PRKCH: variants seen among roughly 807,000 people sequenced by gnomAD.
PRKCH encodes protein kinase C eta type.
In PRKCH, 28 loss-of-function variants were observed where a neutral mutation model predicts 82.5. The observed-to-expected ratio is 0.34, with a 90% CI of 0.25 to 0.47. PRKCH has a LOEUF of 0.47. Ranked by LOEUF, PRKCH falls within the 20% of genes least tolerant of loss-of-function variation. The pLI is 1.00. For missense variants in PRKCH, 705 were observed against 881.8 expected, an observed-to-expected ratio of 0.80 and a Z score of 2.54; for synonymous variants, 322 against 327.4, an observed-to-expected ratio of 0.98 and a Z score of 0.18.
chr14:61,522,558 T>C (rs1302172275), intron 10 of PRKCH, among the ~76,000 whole-genome samples: 2 of 152,204 alleles, frequency 1.3e-5, no homozygotes, highest in Admixed American at 6.5e-5. Flanking sequence ...TTCCCTTCTT[T>C]CTGTCTCTTC....
At chr14:61,475,150 T>A (rs1012039770) in intron 9 of PRKCH, among the ~76,000 whole-genome samples, 2 of 152,194 alleles carry the variant, frequency 1.3e-5, no homozygotes, top group Admixed American at 6.5e-5. Flanking sequence ...ATAAATGAAA[T>A]GGTATTTTTA....
At chr14:61,542,205 G>A (rs892719837) in intron 12 of PRKCH, among the ~76,000 whole-genome samples, 2 of 151,826 alleles carry the variant, frequency 1.3e-5, no homozygotes, top group Non-Finnish European at 2.9e-5. Context: ...AAGGAGAATT[G>A]CTTGAACCTG....
At chr14:61,387,665 A>T (rs1372758961) in intron 1 of PRKCH, among the ~76,000 whole-genome samples, 1 of 152,224 alleles carries the variant, frequency 6.6e-6, no homozygotes, top group Non-Finnish European at 1.5e-5. Context: ...GAAGGAACAA[A>T]TAACCTCCAA....
intron 1 of PRKCH, chr14:61,303,053 TC>T (rs1833902143): frequency 6.7e-6 from 1 of 149,362 alleles, no homozygotes; most frequent in Non-Finnish European, 1.5e-5. Context: ...CACTCTGTCA[TC>T]CAGGCTGGAG....
At chr14:61,354,504 A>G (rs1445812125) in intron 1 of PRKCH, among the ~76,000 whole-genome samples, 1 of 149,746 alleles carries the variant, frequency 6.7e-6, no homozygotes, top group East Asian at 2.0e-4. Flanking sequence ...CCCTATATTT[A>G]GGGGTTGTTT....
chr14:61,509,802 CTACT>C lies in PRKCH; in HGVS notation c.1434-19271_1434-19268del, dbSNP rs879882632. ...TGGTGGTGGGTTCCTCTAATCCCAG[CTACT>C]TGGGAGGCTGAGGCAGGAGGATCAC... On this transcript the variant is annotated intron_variant, in intron 10 of 13. Coordinates refer to ENST00000332981, the MANE Select transcript of PRKCH (RefSeq NM_006255.5). Among the ~76,000 whole-genome samples, 347 of 152,186 alleles carry C rather than the reference CTACT, an allele frequency of 2.3e-3. 4 individuals carry two copies. The highest frequency in any genetic ancestry group is 0.02 in the Admixed American group (307 of 15,286).
chr14:61,494,193 G>A (rs929282063), intron 10 of PRKCH, among the ~76,000 whole-genome samples: 5 of 152,218 alleles, frequency 3.3e-5, no homozygotes, highest in Admixed American at 2.0e-4. Flanking sequence ...TTGAGACCAC[G>A]AGACTGAATG....
chr14:61,528,914 G>C, intron 10 of PRKCH, 161 bp from the exon 11 acceptor site: 2 of 612,548 alleles, frequency 3.3e-6, no homozygotes, highest in Non-Finnish European at 2.6e-6. Flanking sequence ...AGATAGCACA[G>C]AGAAGTTTGT....
intron 1 of PRKCH, chr14:61,278,783 TG>T (rs1274858638): frequency 6.6e-6 from 1 of 152,208 alleles, no homozygotes; most frequent in Non-Finnish European, 1.5e-5. Context: ...ATCAATGGAA[TG>T]ATTTTAGTTG....
At chr14:61,402,369 GA>G (rs1299258031) in intron 2 of PRKCH, among the ~76,000 whole-genome samples, 2 of 148,622 alleles carry the variant, frequency 1.3e-5, no homozygotes, top group African/African-American at 2.6e-5. Flanking sequence ...TGGTATTAAA[GA>G]AGAATATCTG....
chr14:61,237,218 G>A (rs531169046), intron 1 of PRKCH, among the ~76,000 whole-genome samples: 1 of 150,124 alleles, frequency 6.7e-6, no homozygotes, highest in African/African-American at 2.5e-5. Flanking sequence ...ACTCCACCCT[G>A]GGTGACAGAG....
chr14:61,439,299 C>T (rs931233422), intron 2 of PRKCH, among the ~76,000 whole-genome samples: 1 of 152,116 alleles, frequency 6.6e-6, no homozygotes, highest in Non-Finnish European at 1.5e-5. Flanking sequence ...AAGTGAAGAG[C>T]GTGTGGGAGA....
chr14:61,219,128 G>A (rs2044636879), intron 1 of PRKCH, among the ~76,000 whole-genome samples: 2 of 152,360 alleles, frequency 1.3e-5, no homozygotes, highest in Admixed American at 1.3e-4. Context: ...CTCTGAAGCT[G>A]AGAATGAATT....
intron 1 of PRKCH, among the ~76,000 whole-genome samples, chr14:61,389,698 CAAA>C (rs112924735): frequency 9.5e-5 from 10 of 104,750 alleles, no homozygotes; most frequent in Admixed American, 1.0e-4. Flanking sequence ...GACCCTGTCT[CAAA>C]AAAAAAAAAA....
intron 1 of PRKCH, among the ~76,000 whole-genome samples, chr14:61,346,502 CA>C (rs2045994281): frequency 6.6e-6 from 1 of 152,092 alleles, no homozygotes; most frequent in Non-Finnish European, 1.5e-5. Flanking sequence ...TTGATTTTTT[CA>C]AAATTAACTG....
At chr14:61,546,405 G>A (rs758716137) in intron 12 of PRKCH, among the ~76,000 whole-genome samples, 23 of 152,168 alleles carry the variant, frequency 1.5e-4, no homozygotes, top group Non-Finnish European at 2.8e-4. Flanking sequence ...GAGGAGAAGC[G>A]ATTAAACCCT....
chr14:61,302,837 C>T (rs1041174157), intron 1 of PRKCH, among the ~76,000 whole-genome samples: 4 of 152,030 alleles, frequency 2.6e-5, no homozygotes, highest in East Asian at 1.9e-4. Flanking sequence ...ACTTGAAAAT[C>T]GTTGTTTATT....
chr14:61,234,173 G>T (rs926482179), intron 1 of PRKCH, among the ~76,000 whole-genome samples: 5 of 152,148 alleles, frequency 3.3e-5, no homozygotes, highest in Admixed American at 2.6e-4. Context: ...TGCCAGATGG[G>T]ATGAAGACAT....
rs554178403 is a variant in PRKCH at position 61,247,339 on chromosome 14, A to G, written c.-19+59671A>G. On this transcript the variant is annotated intron_variant, in intron 1 of 3. Coordinates refer to the PRKCH transcript ENST00000555185. ...CATTATTGTTACTAGGTTTCTCTAT[A>G]TGTTCAATGTATACCTCAGCCCCTT... Among the ~76,000 whole-genome samples, 3 of 152,104 alleles carry G rather than the reference A, an allele frequency of 2.0e-5. No individual in the cohort carries two copies. In the South Asian group the frequency reaches 6.2e-4, roughly 32 times the overall value.
Sources: allele counts gnomAD v4.1 joint callset (sites outside exome capture counted in the v4.1 genomes callset), GRCh38; gene constraint gnomAD v4.1.1; transcripts MANE v1.5; gene names NCBI Gene and HGNC (gene_info 2026-07-23, HGNC 2026-07-21).